The following GPHN variants were observed in gnomAD, a reference collection of about 807,000 sequenced individuals.
GPHN encodes the protein gephyrin.
Under a neutral mutation model 95.5 loss-of-function variants are expected in GPHN, and 17 were observed. The observed-to-expected ratio is 0.18, with a 90% CI of 0.12 to 0.27. The LOEUF is 0.27. Ranked by LOEUF, GPHN falls within the 10% of genes least tolerant of loss-of-function variation. The pLI is 1.00. For synonymous variants in GPHN, 320 were observed against 322.5 expected (o/e 0.99, Z 0.08); for missense variants, 660 against 978.1 (o/e 0.67, Z 4.34).
the GPHN span, chr14:67,574,127 G>C: frequency 2.3e-6 from 2 of 884,892 alleles, no homozygotes; most frequent in Admixed American, 2.8e-5. The surrounding 1 kb of genome is among the most constrained non-coding windows in gnomAD (Gnocchi z 4.2). Flanking sequence ...GGGAGCACTA[G>C]GGCAGGCAGA....
the GPHN span, among the ~76,000 whole-genome samples, chr14:67,548,026 T>G: frequency 6.6e-6 from 1 of 152,150 alleles, no homozygotes; most frequent in Admixed American, 6.5e-5. Flanking sequence ...TTTCTTCCAG[T>G]AGAGGAGGCT....
At chr14:67,317,299 C>A in the GPHN span, 1 of 1,013,186 alleles carries the variant, frequency 9.9e-7, no homozygotes, top group Non-Finnish European at 1.4e-6. Context: ...CTCGTTTCTG[C>A]AAAAAAATTT....
At chr14:66,825,585 C>A (rs184754709) in intron 4 of GPHN, among the ~76,000 whole-genome samples, 1,887 of 151,956 alleles carry the variant, frequency 0.012, 20 homozygotes, top group Non-Finnish European at 0.019. Context: ...CTAACAAGGC[C>A]CCAGGTGATG....
chr14:66,794,139 T>A (rs2060074470), intron 3 of GPHN, among the ~76,000 whole-genome samples: 2 of 152,142 alleles, frequency 1.3e-5, no homozygotes, highest in Non-Finnish European at 1.5e-5. Flanking sequence ...CACACCCAAC[T>A]CTCATGTTCA....
chr14:67,323,897 A>G, the GPHN span: 1 of 706,152 alleles, frequency 1.4e-6, no homozygotes, highest in South Asian at 1.9e-5. Flanking sequence ...CTTAAAAGCT[A>G]CATTAGCTTG....
At chr14:66,958,090 A>G (rs1231112739) in intron 8 of GPHN, among the ~76,000 whole-genome samples, 2 of 152,218 alleles carry the variant, frequency 1.3e-5, no homozygotes, top group African/African-American at 4.8e-5. Flanking sequence ...TATTCTAACT[A>G]TTATTAAAAG....
At chr14:67,392,751 T>G in the GPHN span, 1 of 1,614,130 alleles carries the variant, frequency 6.2e-7, no homozygotes, top group African/African-American at 1.3e-5. Flanking sequence ...CCCACAGGCC[T>G]GAGGAAGTTC....
At chr14:67,199,424 G>A in the GPHN span, 134 of 1,613,066 alleles carry the variant, frequency 8.3e-5, no homozygotes, top group Admixed American at 1.3e-4. Flanking sequence ...TACTTTCAGC[G>A]CCTTTGGGGT....
chr14:66,871,111 G>A (rs949391449), intron 4 of GPHN, among the ~76,000 whole-genome samples: 2 of 152,142 alleles, frequency 1.3e-5, no homozygotes, highest in Admixed American at 6.5e-5. Context: ...CATGTGCTGG[G>A]TGACAGTGAG....
rs568315142 is a variant in GPHN at position 66,929,873 on chromosome 14, G to A, written c.828+5581G>A. On this transcript the variant is annotated intron_variant, in intron 8 of 22. Coordinates refer to ENST00000478722, the MANE Select transcript of GPHN (RefSeq NM_020806.5). ...ATTACAGGCGCCCGCCACCACGCCC[G>A]GCTAATTTTTTGTATTTTTAGTAGA... Among the ~76,000 whole-genome samples, 12 of 152,002 alleles carry A rather than the reference G, an allele frequency of 7.9e-5. No individual in the cohort carries two copies. The East Asian group carries it at 1.2e-3, about 15-fold the overall frequency.
At chr14:67,449,122 C>T in the GPHN span, among the ~76,000 whole-genome samples, 1 of 152,212 alleles carries the variant, frequency 6.6e-6, no homozygotes, top group Non-Finnish European at 1.5e-5. Flanking sequence ...CCAGCCAATT[C>T]TGCTCAGACT....
the GPHN span, among the ~76,000 whole-genome samples, chr14:67,455,214 G>A: frequency 6.6e-6 from 1 of 152,292 alleles, no homozygotes; most frequent in Non-Finnish European, 1.5e-5. Flanking sequence ...TCGCCAAGGT[G>A]CTGGCCAGGT....
rs569252941 is a variant in GPHN, at chr14:66,777,210, C to G, written c.201+689C>G. 4.7e-3 allele frequency among the ~76,000 whole-genome samples: 721 copies of G among 152,182 alleles called. 6 individuals are homozygous for G. Among genetic ancestry groups the G allele is most frequent in the African/African-American group, 0.015 (629 of 41,524 alleles). On this transcript the variant is annotated intron_variant, in intron 3 of 22. Transcript: ENST00000478722. Reference sequence around the variant, plus strand: ...CTACAAACACCTCTACGCAAATAAACTAGAAAATCTAGAAGAAATGGATAA... The same window carrying G: ...CTACAAACACCTCTACGCAAATAAAGTAGAAAATCTAGAAGAAATGGATAA...
chr14:67,668,261 C>T, the GPHN span, among the ~76,000 whole-genome samples: 4,281 of 152,222 alleles, frequency 0.028, 220 homozygotes, highest in African/African-American at 0.098. Context: ...CATTATAGTA[C>T]TCTGAGGTAA....
rs141056861 is a variant in GPHN, at chr14:67,116,457, A to C, written c.1626+3286A>C. Among the ~76,000 whole-genome samples the C allele has an allele frequency of 3.0e-3, 451 of 152,234 alleles. 3 individuals carry two copies. The highest frequency in any genetic ancestry group is 0.01 in the African/African-American group (433 of 41,552). The stretch of plus-strand genomic sequence containing the variant: ...GTGCACCAAAATCTCACTAATTACC[A>C]CTAAATAAATTATTCATGTAACCAG... On this transcript the variant is annotated intron_variant, in intron 16 of 22. Coordinates refer to ENST00000478722, the MANE Select transcript of GPHN (RefSeq NM_020806.5).
chr14:66,677,134 C>G (rs2066649090), intron 1 of GPHN, among the ~76,000 whole-genome samples: 2 of 152,024 alleles, frequency 1.3e-5, no homozygotes, highest in South Asian at 4.1e-4. Context: ...GTTGTAATGT[C>G]TCATTTTTTA....
chr14:66,564,146 A>T (rs1303377216), intron 1 of GPHN, among the ~76,000 whole-genome samples: 1 of 152,086 alleles, frequency 6.6e-6, no homozygotes. Context: ...GATTGGGTTT[A>T]AAAAAATAAC....
the GPHN span, among the ~76,000 whole-genome samples, chr14:67,678,768 T>C: frequency 3.9e-5 from 6 of 152,108 alleles, no homozygotes; most frequent in Non-Finnish European, 1.5e-5. Context: ...AGGCCCATTC[T>C]ACAGAGCCTT....
chr14:66,839,915 T>G (rs1217785344), intron 4 of GPHN, among the ~76,000 whole-genome samples: 1 of 152,052 alleles, frequency 6.6e-6, no homozygotes, highest in East Asian at 1.9e-4. Flanking sequence ...CTCTGTGGGG[T>G]AGATAGATGA....
Sources: gnomAD v4.1 joint callset for allele counts (sites outside exome capture counted in the v4.1 genomes callset) on GRCh38, gnomAD v4.1.1 for gene constraint, Gnocchi (gnomAD v3.1) non-coding constraint, MANE v1.5 for transcripts, NCBI Gene and HGNC (gene_info 2026-07-23, HGNC 2026-07-21) for gene names.